Variants in DISC1 observed in about 807,000 individuals in gnomAD.
DISC1 encodes the protein DISC1 scaffold protein, also known as disrupted in schizophrenia 1 protein.
DISC1 carries 57 observed loss-of-function variants against 84.5 expected under a neutral mutation model. The observed-to-expected ratio is 0.67, with a 90% CI of 0.55 to 0.84. The LOEUF is 0.84. Ranked by LOEUF, DISC1 falls within the 40% of genes least tolerant of loss-of-function variation. The pLI, the probability that DISC1 is intolerant of heterozygous loss-of-function variation, is 0.00. For missense variants in DISC1, 1,000 were observed against 1,057.8 expected (o/e 0.95, Z 0.76); for synonymous variants, 411 against 415.2 (o/e 0.99, Z 0.12).
At chr1:231,833,077 G>A (rs1448466575) in intron 9 of DISC1, among the ~76,000 whole-genome samples, 3 of 147,250 alleles carry the variant, frequency 2.0e-5, no homozygotes, top group Non-Finnish European at 4.5e-5. Flanking sequence ...ACAAGAGGAG[G>A]ACGCAAAGGA....
At chr1:232,005,316 A>G (rs1667288093) in intron 10 of DISC1, among the ~76,000 whole-genome samples, 1 of 152,050 alleles carries the variant, frequency 6.6e-6, no homozygotes, top group Non-Finnish European at 1.5e-5. Flanking sequence ...TTTGAAGAAA[A>G]TTCAAATAAT....
intron 1 of DISC1, among the ~76,000 whole-genome samples, chr1:231,635,365 C>T (rs911320919): frequency 2.0e-5 from 3 of 151,848 alleles, no homozygotes; most frequent in Admixed American, 6.6e-5. Flanking sequence ...TTACAGAATC[C>T]GTCTTTCTTG....
intron 9 of DISC1, chr1:231,818,755 A>C: frequency 2.9e-6 from 4 of 1,370,996 alleles, no homozygotes; most frequent in Non-Finnish European, 3.8e-6. Flanking sequence ...CCCTGTCTCA[A>C]CCTGTGTTTG....
intron 11 of DISC1, among the ~76,000 whole-genome samples, chr1:232,018,401 A>G (rs1328997231): frequency 1.3e-5 from 2 of 152,250 alleles, no homozygotes; most frequent in South Asian, 2.1e-4. Flanking sequence ...TGGTCATGGA[A>G]TTTGTGACTG....
intron 9 of DISC1, among the ~76,000 whole-genome samples, chr1:231,931,995 C>T (rs555991372): frequency 5.3e-4 from 80 of 151,994 alleles, no homozygotes; most frequent in African/African-American, 1.2e-3. Context: ...GTGGGGAGCC[C>T]GACTATTTGC....
chr1:231,865,033 A>C (rs2084952245), intron 9 of DISC1, among the ~76,000 whole-genome samples: 2 of 152,308 alleles, frequency 1.3e-5, no homozygotes, highest in Admixed American at 1.3e-4. Context: ...CAGGTCACAG[A>C]ATGATCACGG....
rs1327063847 is a variant in DISC1, at chr1:231,897,521, C to A, written c.1982-61307C>A. Among the ~76,000 whole-genome samples the A allele has an allele frequency of 1.3e-5, 2 of 149,968 alleles. No individual in the cohort carries two copies. The highest frequency in any genetic ancestry group is 6.7e-5 in the Admixed American group (1 of 15,012). On this transcript the variant is annotated intron_variant, in intron 9 of 12. Transcript: ENST00000439617. The surrounding 1 kb of genome is among the most constrained non-coding windows in gnomAD (Gnocchi z 4.5). ...CAGACTAAATCGTCTTTTTCTTTAT[C>A]TTTTTTTTTTCCTTTAACAACCTCC...
At chr1:231,686,993 A>G (rs1463355337) in intron 1 of DISC1, among the ~76,000 whole-genome samples, 1 of 152,198 alleles carries the variant, frequency 6.6e-6, no homozygotes, top group Non-Finnish European at 1.5e-5. Context: ...CCAGTTCCCA[A>G]CAAGTTCCTC....
chr1:232,029,780 A>C (rs942956849), intron 12 of DISC1, among the ~76,000 whole-genome samples: 1 of 152,226 alleles, frequency 6.6e-6, no homozygotes, highest in Non-Finnish European at 1.5e-5. Flanking sequence ...TGCATAAACC[A>C]TGTGTGTACA....
intron 3 of DISC1, among the ~76,000 whole-genome samples, chr1:231,713,553 A>G (rs1422103784): frequency 1.3e-5 from 2 of 151,894 alleles, no homozygotes; most frequent in East Asian, 3.8e-4. Flanking sequence ...AGATTTGAGC[A>G]GGCAGAAGAA....
At chr1:231,828,106 A>G (rs2081988579) in intron 9 of DISC1, among the ~76,000 whole-genome samples, 1 of 152,198 alleles carries the variant, frequency 6.6e-6, no homozygotes, top group Non-Finnish European at 1.5e-5. Context: ...TTAACCCATT[A>G]TGAATATCTC....
At chr1:231,798,324 A>G (rs2078931658) in intron 7 of DISC1, among the ~76,000 whole-genome samples, 1 of 152,176 alleles carries the variant, frequency 6.6e-6, no homozygotes, top group Non-Finnish European at 1.5e-5. Context: ...ATTAGATTAC[A>G]TCCAGCAGAG....
chr1:231,722,011 G>A (rs534313019), intron 3 of DISC1, among the ~76,000 whole-genome samples: 3 of 152,052 alleles, frequency 2.0e-5, no homozygotes, highest in Admixed American at 2.0e-4. Context: ...AAATTAGCCG[G>A]GTGTGGTGGC....
chr1:231,848,101 C>T (rs1418362762), intron 9 of DISC1, among the ~76,000 whole-genome samples: 1 of 152,098 alleles, frequency 6.6e-6, no homozygotes, highest in Non-Finnish European at 1.5e-5. Context: ...TGACTCCAGG[C>T]CTGTCTGTGA....
rs139520322 is a variant in DISC1 at position 231,681,979 on chromosome 1, C to T, written c.68-11847C>T. On this transcript the variant is annotated intron_variant, in intron 1 of 12. Transcript: ENST00000439617. ...CCTCTCAAAGTGCTGGGATTACAGG[C>T]ATGAGCCACTGTGCCCAGCCCATTT... Among the ~76,000 whole-genome samples, 195 of 152,286 alleles carry T rather than the reference C, an allele frequency of 1.3e-3. 2 individuals carry two copies. In the East Asian group the frequency reaches 0.019, roughly 15 times the overall value.
At chr1:231,898,034 A>G (rs2087845457) in intron 9 of DISC1, among the ~76,000 whole-genome samples, 1 of 152,198 alleles carries the variant, frequency 6.6e-6, no homozygotes, top group Non-Finnish European at 1.5e-5. Flanking sequence ...TTATAACAGA[A>G]CTAGGGAGAA....
intron 8 of DISC1, among the ~76,000 whole-genome samples, chr1:231,812,303 T>C (rs2080386991): frequency 6.6e-6 from 1 of 152,180 alleles, no homozygotes; most frequent in African/African-American, 2.4e-5. Context: ...CCTTCCCATC[T>C]TGGCTTGCCA....
chr1:231,773,398 G>C (rs2076702089), intron 6 of DISC1, among the ~76,000 whole-genome samples: 1 of 152,080 alleles, frequency 6.6e-6, no homozygotes, highest in Admixed American at 6.6e-5. Context: ...TTGTTTGTAT[G>C]TTTTGAGATA....
chr1:231,840,285 G>A (rs966309429), intron 9 of DISC1, among the ~76,000 whole-genome samples: 1 of 152,044 alleles, frequency 6.6e-6, no homozygotes, highest in Non-Finnish European at 1.5e-5. Flanking sequence ...ATGTGACCTG[G>A]CAATTCCACT....
Sources: allele counts gnomAD v4.1 joint callset (sites outside exome capture counted in the v4.1 genomes callset), GRCh38; gene constraint gnomAD v4.1.1; non-coding constraint Gnocchi (gnomAD v3.1); transcripts MANE v1.5; gene names NCBI Gene and HGNC (gene_info 2026-07-23, HGNC 2026-07-21).